The following SMAD3 variants were observed in gnomAD, a reference collection of about 807,000 sequenced individuals.
SMAD3 encodes the protein MAD homolog 3.
Under a neutral mutation model 51.8 loss-of-function variants are expected in SMAD3, and 12 were observed. The observed-to-expected ratio is 0.23, with a 90% CI of 0.15 to 0.38. The LOEUF (loss-of-function observed/expected upper bound fraction) is 0.38, where lower values mean the gene tolerates loss of function less well. Ranked by LOEUF, SMAD3 falls within the 10% of genes least tolerant of loss-of-function variation. SMAD3 has a pLI of 1.00. For missense variants in SMAD3, 294 were observed against 565.6 expected (o/e 0.52, Z 4.87); for synonymous variants, 238 against 227.7 (o/e 1.05, Z -0.41).
At chr15:67,083,169 G>T (rs1429239334) in intron 1 of SMAD3, among the ~76,000 whole-genome samples, 1 of 152,246 alleles carries the variant, frequency 6.6e-6, no homozygotes, top group East Asian at 1.9e-4. Flanking sequence ...TGCGAGGCTG[G>T]TTCTGTTTGC....
chr15:67,135,787 G>A lies in SMAD3; in HGVS notation c.207-29108G>A, dbSNP rs115743658. Among the ~76,000 whole-genome samples the A allele has an allele frequency of 3.4e-3, 516 of 152,200 alleles. 4 individuals are homozygous for A. The highest frequency in any genetic ancestry group is 0.012 in the African/African-American group (490 of 41,500). ...TGGGGTATGTGTGTGTGTTTTCATC[G>A]TATTATAAAAACGTGAAACATTTGA... On this transcript the variant is annotated intron_variant, in intron 1 of 8. Transcript: ENST00000327367.
In SMAD3 at chr15:67,142,066, C is replaced by T. The variant is rs144258194; in HGVS notation, c.207-22829C>T. ...AGCTTAAGTCACTTGCTCAAGGCCACGTAGCGAGGCAGTGAAGAGCTGGGG... is the reference window on the plus strand; with the variant it reads ...AGCTTAAGTCACTTGCTCAAGGCCATGTAGCGAGGCAGTGAAGAGCTGGGG... On this transcript the variant is annotated intron_variant, in intron 1 of 8. Coordinates refer to ENST00000327367, the MANE Select transcript of SMAD3 (RefSeq NM_005902.4). 1.3e-4 allele frequency among the ~76,000 whole-genome samples: 20 copies of T among 152,274 alleles called. No homozygotes were observed. The East Asian group carries it at 3.7e-3, about 28-fold the overall frequency.
Position 67,191,162 on chromosome 15 carries a change from C to T in SMAD3, c.*626C>T, listed in dbSNP as rs886051385. 5.2e-5 allele frequency: 12 copies of T among 231,934 alleles called. No homozygotes were observed. The highest frequency in any genetic ancestry group is 1.3e-4 in the African/African-American group (6 of 45,030). 14.4% of individuals were successfully genotyped at this position (231,934 alleles called of 1,614,324 possible). The stretch of plus-strand genomic sequence containing the variant: ...CTCAGAACATACTGATTGGGAGGTG[C>T]GTGTTCAGCAGAACCTGCACACAGG... On this transcript the variant is annotated 3_prime_UTR_variant, in exon 9 of 9. Transcript: ENST00000327367.
Position 67,191,307 on chromosome 15 carries a change from A to G in SMAD3, c.*771A>G, listed in dbSNP as rs1963359394. The G allele has an allele frequency of 8.6e-6, 2 of 233,414 alleles. No individual in the cohort carries two copies. The highest frequency in any genetic ancestry group is 1.7e-5 in the Non-Finnish European group (2 of 118,060). The allele number at this position is 233,414 out of a possible 1,614,324, so 14.5% of individuals were successfully genotyped here. A position where few individuals can be genotyped will look rare whatever the true frequency, so the allele number is the denominator to read the frequency against. ...AGTGCATATGCAATGTATAGTGTCTATTATCACATTAATCTCAAAGAGATT... is the reference window on the plus strand; with the variant it reads ...AGTGCATATGCAATGTATAGTGTCTGTTATCACATTAATCTCAAAGAGATT... On this transcript the variant is annotated 3_prime_UTR_variant, in exon 9 of 9. Transcript: ENST00000327367.
intron 1 of SMAD3, among the ~76,000 whole-genome samples, chr15:67,115,757 G>C (rs111766778): frequency 2.6e-5 from 4 of 152,304 alleles, no homozygotes; most frequent in African/African-American, 9.6e-5. Flanking sequence ...GCTGTGCTGG[G>C]CTCTGGATAT....
At chr15:67,111,615 A>T (rs1961015642) in intron 1 of SMAD3, among the ~76,000 whole-genome samples, 1 of 152,200 alleles carries the variant, frequency 6.6e-6, no homozygotes, top group Non-Finnish European at 1.5e-5. Flanking sequence ...CAGTCTCACC[A>T]CCAATGTATG....
chr15:67,121,483 G>A (rs79868654), intron 1 of SMAD3, among the ~76,000 whole-genome samples: 1 of 152,212 alleles, frequency 6.6e-6, no homozygotes, highest in Non-Finnish European at 1.5e-5. Context: ...GCAGATGGGC[G>A]GGGGGTGGCT....
At chr15:67,174,028 G>A (rs191412591) in intron 5 of SMAD3, among the ~76,000 whole-genome samples, 3 of 152,374 alleles carry the variant, frequency 2.0e-5, no homozygotes, top group African/African-American at 7.2e-5. Flanking sequence ...CGCTGGAGGC[G>A]CAGATTTGGA....
In SMAD3 at chr15:67,191,207, AGC is replaced by A. The variant is rs1963356251; in HGVS notation, c.*674_*675del. ...CACAGGACAGCGGGAAAAATCGATGAGCGCCACCTCTTTAAAAACTCACTTAC... is the reference window on the plus strand; with the variant it reads ...CACAGGACAGCGGGAAAAATCGATGAGCCACCTCTTTAAAAACTCACTTAC... On this transcript the variant is annotated 3_prime_UTR_variant, in exon 9 of 9. Coordinates refer to ENST00000327367, the MANE Select transcript of SMAD3 (RefSeq NM_005902.4). 4.3e-6 allele frequency: 1 copy of A among 233,670 alleles called. No individual in the cohort carries two copies. The highest frequency in any genetic ancestry group is 8.4e-6 in the Non-Finnish European group (1 of 118,376). The allele number at this position is 233,670 out of a possible 1,614,324, so 14.5% of individuals were successfully genotyped here.
chr15:67,154,895 T>C (rs2140281329), intron 1 of SMAD3, among the ~76,000 whole-genome samples: 1 of 152,334 alleles, frequency 6.6e-6, no homozygotes, highest in African/African-American at 2.4e-5. Flanking sequence ...AAAAATTGTC[T>C]TGCTGTTCTT....
At chr15:67,182,712 C>T (rs1206405768) in intron 6 of SMAD3, among the ~76,000 whole-genome samples, 1 of 151,872 alleles carries the variant, frequency 6.6e-6, no homozygotes, top group Non-Finnish European at 1.5e-5. Flanking sequence ...GGGTAGGGAA[C>T]GGCTCTGCAG....
rs764656928 is a variant in SMAD3, at chr15:67,184,777, C to T, written c.922C>T (p.Leu308Phe). Reference sequence around the variant, plus strand: ...CGGAGGGGAGGTCTTCGCAGAGTGCCTCAGTGACAGCGCTATTTTTGTCCA... The same window carrying T: ...CGGAGGGGAGGTCTTCGCAGAGTGCTTCAGTGACAGCGCTATTTTTGTCCA... Reference protein sequence around the residue: ...YIGGEVFAECLSDSAIFVQSP... With the variant: ...YIGGEVFAECFSDSAIFVQSP... The change falls in exon 7 of 9, where the codon CTC (leucine) becomes TTC (phenylalanine). Residue 308 changes from leucine (L) to phenylalanine (F), a missense_variant. Leu to Phe is a conservative substitution (Grantham distance 22). This residue lies in a region of SMAD3 where 118 missense variants were observed against 278.0 expected (regional missense o/e 0.42). Coordinates refer to ENST00000327367, the MANE Select transcript of SMAD3 (RefSeq NM_005902.4). 1.9e-5 allele frequency: 31 copies of T among 1,613,928 alleles called. 1 individual carries two copies. In the South Asian group the frequency reaches 3.2e-4, roughly 17 times the overall value.
At chr15:67,181,580 C>A in intron 6 of SMAD3, 127 bp downstream of exon 6, 1 of 816,748 alleles carries the variant, frequency 1.2e-6, no homozygotes, top group Non-Finnish European at 2.0e-6. Flanking sequence ...TGCTCTGCCT[C>A]CTGCTGGGCA....
chr15:67,081,984 C>G (rs1960288978), intron 1 of SMAD3, among the ~76,000 whole-genome samples: 1 of 151,566 alleles, frequency 6.6e-6, no homozygotes, highest in African/African-American at 2.4e-5. Flanking sequence ...ATGGCAAAAA[C>G]TGCCATTACT....
At chr15:67,120,309 C>T (rs1356245158) in intron 1 of SMAD3, among the ~76,000 whole-genome samples, 1 of 152,196 alleles carries the variant, frequency 6.6e-6, no homozygotes, top group East Asian at 1.9e-4. Flanking sequence ...TGTGGCAGCT[C>T]AGGCAGCCCT....
chr15:67,186,943 G>C (rs1282487431), intron 7 of SMAD3: 2 of 395,212 alleles, frequency 5.1e-6, no homozygotes, highest in African/African-American at 2.1e-5. Flanking sequence ...TTCCTAGGTG[G>C]GTGACCAGAC....
At chr15:67,094,519 G>A (rs921075615) in intron 1 of SMAD3, among the ~76,000 whole-genome samples, 1 of 152,200 alleles carries the variant, frequency 6.6e-6, no homozygotes, top group Non-Finnish European at 1.5e-5. Context: ...TGATAACATG[G>A]AACGCAGGGC....
chr15:67,105,839 C>A (rs1279282191), intron 1 of SMAD3, among the ~76,000 whole-genome samples: 1 of 152,204 alleles, frequency 6.6e-6, no homozygotes, highest in African/African-American at 2.4e-5. Context: ...CTGTGCTGTG[C>A]TGCCTCTGAA....
intron 8 of SMAD3, among the ~76,000 whole-genome samples, chr15:67,189,977 C>T (rs571131351): frequency 6.2e-4 from 94 of 152,078 alleles, no homozygotes; most frequent in African/African-American, 2.1e-3. Flanking sequence ...ACGTCATCGT[C>T]GCCTGCTGGG....
Sources: gnomAD v4.1 joint callset for allele counts (sites outside exome capture counted in the v4.1 genomes callset) on GRCh38, gnomAD v4.1.1 for gene constraint, gnomAD v4.1.1 regional missense constraint, MANE v1.5 for transcripts, NCBI Gene and HGNC (gene_info 2026-07-23, HGNC 2026-07-21) for gene names.